STON2: variants seen among roughly 807,000 people sequenced by gnomAD.
STON2 encodes stonin 2.
STON2 carries 29 observed loss-of-function variants against 65.7 expected under a neutral mutation model. The ratio of observed to expected loss-of-function variants is 0.44; its 90% CI spans 0.33 to 0.60. The LOEUF (loss-of-function observed/expected upper bound fraction) is 0.60, where lower values mean the gene tolerates loss of function less well. STON2 is among the 20% of genes least tolerant of loss of function. The pLI is 0.03. For synonymous variants in STON2, 404 were observed against 414.2 expected, an observed-to-expected ratio of 0.98 and a Z score of 0.30; for missense variants, 1,054 against 1,118.1, an observed-to-expected ratio of 0.94 and a Z score of 0.82.
intron 5 of STON2, among the ~76,000 whole-genome samples, chr14:81,308,824 A>ATATATATATATATATGTG (rs1479394128): frequency 9.6e-5 from 1 of 10,462 alleles, no homozygotes; most frequent in Non-Finnish European, 1.8e-4. Context: ...ATATATATAT[A>ATATATATATATATATGTG]TGTGTGTGTG....
intron 4 of STON2, among the ~76,000 whole-genome samples, chr14:81,354,312 A>C (rs1898137443): frequency 6.6e-6 from 1 of 152,224 alleles, no homozygotes; most frequent in Non-Finnish European, 1.5e-5. Context: ...ATCTGAAAGC[A>C]AGTTCTGTCT....
intron 3 of STON2, among the ~76,000 whole-genome samples, chr14:81,375,957 C>T (rs1899233553): frequency 6.6e-6 from 1 of 150,650 alleles, no homozygotes; most frequent in South Asian, 2.1e-4. Context: ...AAGAAACATA[C>T]TTCTAAATAA....
chr14:81,393,443 A>AC (rs1371629022), intron 3 of STON2, among the ~76,000 whole-genome samples: 1 of 152,088 alleles, frequency 6.6e-6, no homozygotes, highest in African/African-American at 2.4e-5. Context: ...AGTGAGGCAA[A>AC]CGGAAGGAGA....
chr14:81,290,370 G>A (rs1566891922), intron 5 of STON2, among the ~76,000 whole-genome samples: 1 of 152,194 alleles, frequency 6.6e-6, no homozygotes, highest in Non-Finnish European at 1.5e-5. Flanking sequence ...TGGGGATTCT[G>A]TAACGTTGGT....
chr14:81,354,149 C>A (rs1346571290), intron 4 of STON2, among the ~76,000 whole-genome samples: 1 of 152,162 alleles, frequency 6.6e-6, no homozygotes, highest in African/African-American at 2.4e-5. Context: ...GGGAATGCAC[C>A]CTGTGGCCTG....
At chr14:81,417,877 G>A (rs888766538) in intron 2 of STON2, among the ~76,000 whole-genome samples, 2 of 152,156 alleles carry the variant, frequency 1.3e-5, no homozygotes, top group African/African-American at 4.8e-5. Context: ...GGCAGAGAGA[G>A]AGATAGAAAA....
chr14:81,329,434 A>G (rs11159497), intron 4 of STON2, among the ~76,000 whole-genome samples: 119,724 of 147,590 alleles, frequency 0.81, 48,989 homozygotes, highest in African/African-American at 0.92. Context: ...CAGCCTGGGC[A>G]ACAGAGCTAG....
intron 5 of STON2, among the ~76,000 whole-genome samples, chr14:81,288,538 T>A (rs1264403668): frequency 6.6e-6 from 1 of 152,144 alleles, no homozygotes. Flanking sequence ...AAAATATGGT[T>A]GTAGAGTCAT....
chr14:81,349,653 T>C (rs929088929), intron 4 of STON2, among the ~76,000 whole-genome samples: 1 of 152,172 alleles, frequency 6.6e-6, no homozygotes, highest in Non-Finnish European at 1.5e-5. Flanking sequence ...ACAGCCATTA[T>C]AGAAAACAGT....
chr14:81,434,294 G>T (rs1001292265), intron 1 of STON2, among the ~76,000 whole-genome samples: 1 of 152,186 alleles, frequency 6.6e-6, no homozygotes, highest in Admixed American at 6.5e-5. Context: ...CGAGGTGGGA[G>T]TCTGGCTCTG....
intron 4 of STON2, among the ~76,000 whole-genome samples, chr14:81,354,171 A>G (rs7146802): frequency 0.29 from 44,286 of 151,920 alleles, 6,741 homozygotes; most frequent in East Asian, 0.4. Flanking sequence ...CCCAATCTGA[A>G]GTGACGACAG....
At chr14:81,324,789 TCTGATTAATC>T (rs1412536526) in intron 4 of STON2, among the ~76,000 whole-genome samples, 1 of 152,254 alleles carries the variant, frequency 6.6e-6, no homozygotes, top group Non-Finnish European at 1.5e-5. Flanking sequence ...TAGCCTGACC[TCTGATTAATC>T]CTGAAATGAA....
At position 81,282,683 on chromosome 14, in the gene STON2, A is replaced by G. The variant is rs1883985280; in HGVS notation, c.743-3944T>C. On this transcript the variant is annotated intron_variant, in intron 5 of 7. Coordinates refer to ENST00000614646, the MANE Select transcript of STON2 (RefSeq NM_001394390.1). Reference sequence around the variant, plus strand: ...CTGTATTCTTTCTTTCAAAAACTGCAATGTTCCTTACAAAATAAAGCAACA... The same window carrying G: ...CTGTATTCTTTCTTTCAAAAACTGCGATGTTCCTTACAAAATAAAGCAACA... Among the ~76,000 whole-genome samples the G allele has an allele frequency of 2.0e-5, 3 of 152,368 alleles. No homozygotes were observed. In the South Asian group the frequency reaches 6.2e-4, roughly 32 times the overall value.
chr14:81,270,108 GA>G (rs1894512252), intron 7 of STON2: 1 of 919,698 alleles, frequency 1.1e-6, no homozygotes, highest in South Asian at 5.0e-5. Context: ...CTTTTTTTGA[GA>G]CACAGTCTCG....
At chr14:81,342,147 G>GTT (rs1390531167) in intron 4 of STON2, among the ~76,000 whole-genome samples, 2 of 147,714 alleles carry the variant, frequency 1.4e-5, no homozygotes, top group African/African-American at 5.0e-5. Flanking sequence ...GAGTTTTTTT[G>GTT]TTTTTTTTTT....
In STON2 at chr14:81,265,764, A is replaced by T. The variant is rs1295273719; in HGVS notation, c.*2650T>A. The T allele has an allele frequency of 1.0e-6, 1 of 983,390 alleles. No homozygotes were observed. The allele number at this position is 983,390 out of a possible 1,614,324, so 60.9% of individuals were successfully genotyped here. On this transcript the variant is annotated 3_prime_UTR_variant, in exon 8 of 8. Transcript: ENST00000614646. ...TTTTTCCCAACTCTTGGTAAAAAAA[A>T]CAAAAAAGTCCAGGTGCATGTACAC...
chr14:81,432,757 C>A (rs1302507367), intron 1 of STON2, among the ~76,000 whole-genome samples: 1 of 152,228 alleles, frequency 6.6e-6, no homozygotes, highest in Non-Finnish European at 1.5e-5. Flanking sequence ...ATTGCATCTG[C>A]AATTTAATAT....
At chr14:81,273,027 C>T (rs1894662433) in intron 6 of STON2, among the ~76,000 whole-genome samples, 1 of 152,196 alleles carries the variant, frequency 6.6e-6, no homozygotes, top group African/African-American at 2.4e-5. Context: ...TAGATCACAA[C>T]AAAGTATACA....
chr14:81,270,327 A>T, intron 7 of STON2: 1 of 1,159,532 alleles, frequency 8.6e-7, no homozygotes, highest in South Asian at 2.9e-5. Context: ...TCAAGTAATC[A>T]GCCCACCTCC....
Sources: gnomAD v4.1 joint callset for allele counts (sites outside exome capture counted in the v4.1 genomes callset) on GRCh38, gnomAD v4.1.1 for gene constraint, MANE v1.5 for transcripts, NCBI Gene and HGNC (gene_info 2026-07-23, HGNC 2026-07-21) for gene names.